Variants in NAALADL2 observed in about 807,000 individuals in gnomAD.
The protein encoded by NAALADL2 is inactive N-acetylated-alpha-linked acidic dipeptidase-like protein 2.
Under a neutral mutation model 87.2 loss-of-function variants are expected in NAALADL2, and 76 were observed. The observed-to-expected ratio is 0.87, with a 90% CI of 0.72 to 1.05. The LOEUF is 1.05. Ranked by LOEUF, NAALADL2 falls within the 50% of genes least tolerant of loss-of-function variation. The probability of loss-of-function intolerance (pLI) is 0.00; values close to 1 mark genes in which losing one functional copy is unlikely to be tolerated. For synonymous variants in NAALADL2, 354 were observed against 331.0 expected, an observed-to-expected ratio of 1.07 and a Z score of -0.75; for missense variants, 1,089 against 945.8, an observed-to-expected ratio of 1.15 and a Z score of -1.99.
intron 9 of NAALADL2, among the ~76,000 whole-genome samples, chr3:175,548,101 C>T (rs538263798): frequency 6.6e-5 from 10 of 152,116 alleles, no homozygotes; most frequent in South Asian, 2.1e-4. Context: ...CACATGCACA[C>T]GTATGTTCAT....
chr3:174,666,077 T>G (rs1385615079), intron 2 of NAALADL2, among the ~76,000 whole-genome samples: 1 of 152,146 alleles, frequency 6.6e-6, no homozygotes, highest in Non-Finnish European at 1.5e-5. Context: ...AGGGTTAGGA[T>G]GTCAACATAT....
chr3:174,827,582 A>G (rs1332797214), intron 3 of NAALADL2, among the ~76,000 whole-genome samples: 17 of 152,202 alleles, frequency 1.1e-4, no homozygotes, highest in Admixed American at 1.1e-3. Context: ...TAATTTCTCC[A>G]TCTCAGTGTC....
At chr3:175,425,664 T>A (rs574128541) in intron 5 of NAALADL2, among the ~76,000 whole-genome samples, 1 of 152,256 alleles carries the variant, frequency 6.6e-6, no homozygotes, top group African/African-American at 2.4e-5. Flanking sequence ...ATTTAGATAG[T>A]ATTTGGTAAA....
At chr3:174,771,592 T>G (rs1714568025) in intron 3 of NAALADL2, among the ~76,000 whole-genome samples, 1 of 152,092 alleles carries the variant, frequency 6.6e-6, no homozygotes, top group Non-Finnish European at 1.5e-5. Flanking sequence ...TAGAAAGAAG[T>G]AAATTGGAGC....
rs1440113584 is a variant in NAALADL2, at chr3:175,132,633, G to C, written c.545+35342G>C. Among the ~76,000 whole-genome samples, 2 of 124,128 alleles carry C rather than the reference G, an allele frequency of 1.6e-5. 1 individual carries two copies. The highest frequency in any genetic ancestry group is 1.5e-4 in the Admixed American group (2 of 13,228). The allele number at this position is 124,128 out of a possible 152,430, so 81.4% of individuals were successfully genotyped here. On this transcript the variant is annotated intron_variant, in intron 2 of 13. Coordinates refer to ENST00000454872, the MANE Select transcript of NAALADL2 (RefSeq NM_207015.3). Reference sequence around the variant, plus strand: ...GGCTGACCCCCCCACCTCCCTCCCGGACGGGGTGGCTGGCCGGGCGGGGGG... The same window carrying C: ...GGCTGACCCCCCCACCTCCCTCCCGCACGGGGTGGCTGGCCGGGCGGGGGG...
intron 1 of NAALADL2, among the ~76,000 whole-genome samples, chr3:174,509,779 T>C (rs2108388173): frequency 6.6e-6 from 1 of 151,796 alleles, no homozygotes; most frequent in African/African-American, 2.4e-5. Context: ...GCTCCACCCT[T>C]GCTACCTTAT....
chr3:175,553,429 T>C (rs946254656), intron 9 of NAALADL2, among the ~76,000 whole-genome samples: 2 of 152,166 alleles, frequency 1.3e-5, no homozygotes, highest in Non-Finnish European at 2.9e-5. Context: ...AATCCTTCCA[T>C]GTATTTTAGG....
intron 3 of NAALADL2, among the ~76,000 whole-genome samples, chr3:174,799,137 T>C (rs537281379): frequency 6.6e-6 from 1 of 151,060 alleles, no homozygotes; most frequent in Admixed American, 6.6e-5. Flanking sequence ...GCCACTGCAC[T>C]CCAGCCTGGG....
intron 1 of NAALADL2, among the ~76,000 whole-genome samples, chr3:174,866,689 A>G (rs150885533): frequency 6.6e-4 from 101 of 151,958 alleles, no homozygotes; most frequent in African/African-American, 2.3e-3. Flanking sequence ...GAATAGAGAT[A>G]AGAATAAGGA....
intron 1 of NAALADL2, among the ~76,000 whole-genome samples, chr3:174,510,105 G>A: frequency 6.6e-6 from 1 of 151,424 alleles, no homozygotes; most frequent in East Asian, 1.9e-4. Flanking sequence ...TTTATTATGT[G>A]TTTTATATAT....
At chr3:175,004,925 G>T (rs115912874) in intron 1 of NAALADL2, among the ~76,000 whole-genome samples, 240 of 151,008 alleles carry the variant, frequency 1.6e-3, no homozygotes, top group African/African-American at 5.5e-3. Flanking sequence ...CTTCAGATAA[G>T]AGATACTCAA....
intron 1 of NAALADL2, among the ~76,000 whole-genome samples, chr3:175,063,424 TAA>T (rs1713934545): frequency 2.0e-5 from 3 of 151,940 alleles, no homozygotes; most frequent in Admixed American, 2.0e-4. Context: ...TTCATGCCTG[TAA>T]TCTCAGCACT....
Position 174,623,104 on chromosome 3 carries a change from TC to T in NAALADL2, c.-115+72470del, listed in dbSNP as rs1364232668. Among the ~76,000 whole-genome samples the T allele has an allele frequency of 6.6e-5, 10 of 152,180 alleles. No individual in the cohort carries two copies. The South Asian group carries it at 1.2e-3, about 19-fold the overall frequency. On this transcript the variant is annotated intron_variant, in intron 2 of 3. Coordinates refer to the NAALADL2 transcript ENST00000434257. The stretch of plus-strand genomic sequence containing the variant: ...CATCCCTAGGGGCACTTCATATGGG[TC>T]CCATGGTGTTATTCAAACACAATGA...
At chr3:175,393,129 C>T (rs1398324427) in intron 5 of NAALADL2, among the ~76,000 whole-genome samples, 2 of 150,238 alleles carry the variant, frequency 1.3e-5, no homozygotes, top group Non-Finnish European at 3.0e-5. Context: ...AAAAAATTAG[C>T]CGGGCGCGGT....
intron 3 of NAALADL2, among the ~76,000 whole-genome samples, chr3:174,814,868 A>T (rs9830320): frequency 6.6e-6 from 1 of 151,972 alleles, no homozygotes; most frequent in Non-Finnish European, 1.5e-5. Flanking sequence ...TATGTTACTC[A>T]CACAGAAGTA....
intron 13 of NAALADL2, among the ~76,000 whole-genome samples, chr3:175,772,635 G>C (rs1018059207): frequency 2.6e-5 from 4 of 152,130 alleles, no homozygotes; most frequent in African/African-American, 9.7e-5. Context: ...TAGGTCTGGG[G>C]TCCAGTTACA....
chr3:174,995,454 A>G (rs756295175), intron 1 of NAALADL2, among the ~76,000 whole-genome samples: 1 of 152,112 alleles, frequency 6.6e-6, no homozygotes, highest in Non-Finnish European at 1.5e-5. Context: ...TCTGCCAGCC[A>G]TTTCTCCTAT....
chr3:174,649,008 G>A (rs544822422), intron 2 of NAALADL2, among the ~76,000 whole-genome samples: 9 of 151,786 alleles, frequency 5.9e-5, no homozygotes, highest in African/African-American at 2.2e-4. Flanking sequence ...CACTCTTATC[G>A]CCCAGGAAAT....
At position 174,835,539 on chromosome 3, in the gene NAALADL2, G is replaced by A. The variant is rs544443254; in HGVS notation, c.-9+97793G>A. Among the ~76,000 whole-genome samples the A allele has an allele frequency of 4.5e-4, 68 of 152,130 alleles. 1 individual carries two copies. Among genetic ancestry groups the A allele is most frequent in the Non-Finnish European group, 6.9e-4 (47 of 67,954 alleles). On this transcript the variant is annotated intron_variant, in intron 3 of 3. Transcript: ENST00000434257. ...AATTATAAAGTTCTGTGTATCAAGG[G>A]ATACAATTAGCAGGGTGAAAAGGCT...
Sources: allele counts gnomAD v4.1 joint callset (sites outside exome capture counted in the v4.1 genomes callset), GRCh38; gene constraint gnomAD v4.1.1; transcripts MANE v1.5; gene names NCBI Gene and HGNC (gene_info 2026-07-23, HGNC 2026-07-21).